KCNH1: variants seen among roughly 807,000 people sequenced by gnomAD.
The protein encoded by KCNH1 is voltage-gated delayed rectifier potassium channel KCNH1.
Under a neutral mutation model 69.2 loss-of-function variants are expected in KCNH1, and 27 were observed. The observed-to-expected ratio is 0.39, with a 90% CI of 0.29 to 0.54. KCNH1 has a LOEUF of 0.54. Among genes scored for constraint, KCNH1 ranks in the 20% least tolerant of loss-of-function variants. KCNH1 has a pLI of 0.68. For synonymous variants in KCNH1, 456 were observed against 487.7 expected, an observed-to-expected ratio of 0.93 and a Z score of 0.86; for missense variants, 798 against 1,261.6, an observed-to-expected ratio of 0.63 and a Z score of 5.57.
intron 7 of KCNH1, among the ~76,000 whole-genome samples, chr1:210,804,468 G>T (rs1684493354): frequency 6.6e-6 from 1 of 152,238 alleles, no homozygotes. Flanking sequence ...CTAGGCAGTG[G>T]GTTGCGGGGG....
chr1:210,800,045 C>A (rs981676267), intron 8 of KCNH1, among the ~76,000 whole-genome samples: 3 of 152,206 alleles, frequency 2.0e-5, no homozygotes, highest in Non-Finnish European at 4.4e-5. Context: ...CAGTACACAG[C>A]CTGGGACAAA....
At chr1:211,083,666 C>T (rs1035693279) in intron 4 of KCNH1, among the ~76,000 whole-genome samples, 12 of 152,184 alleles carry the variant, frequency 7.9e-5, no homozygotes, top group Admixed American at 6.5e-4. Flanking sequence ...CAAGACCAGG[C>T]TTGGGTTTTA....
chr1:210,894,010 C>A (rs60147734), intron 7 of KCNH1, among the ~76,000 whole-genome samples: 1 of 152,250 alleles, frequency 6.6e-6, no homozygotes, highest in African/African-American at 2.4e-5. Context: ...GTTATAATAA[C>A]TAATGTCTTT....
intron 6 of KCNH1, among the ~76,000 whole-genome samples, chr1:210,955,998 T>C (rs11119638): frequency 0.77 from 116,523 of 151,980 alleles, 45,284 homozygotes; most frequent in East Asian, 0.89. Context: ...AAAGGGAATG[T>C]TTCCAGTTTT....
At chr1:210,926,913 A>C (rs1687585937) in intron 6 of KCNH1, among the ~76,000 whole-genome samples, 1 of 152,188 alleles carries the variant, frequency 6.6e-6, no homozygotes, top group South Asian at 2.1e-4. Context: ...ACTTAGAGAA[A>C]TGCAAAATGC....
At chr1:210,899,250 A>C (rs1439974800) in intron 7 of KCNH1, among the ~76,000 whole-genome samples, 1 of 152,172 alleles carries the variant, frequency 6.6e-6, no homozygotes, top group African/African-American at 2.4e-5. Flanking sequence ...ATAGTATGTA[A>C]TATTGCAATG....
chr1:210,975,288 T>A lies in KCNH1; in HGVS notation c.1032+43495A>T, dbSNP rs189973195. ...CTTTTCAAAAAACCAGCTCCTGGAT[T>A]CAGATAATCCTAAGCCAAAAGAACA... On this transcript the variant is annotated intron_variant, in intron 6 of 10. Coordinates refer to ENST00000271751, the MANE Select transcript of KCNH1 (RefSeq NM_172362.3). 1.4e-4 allele frequency among the ~76,000 whole-genome samples: 22 copies of A among 152,176 alleles called. 1 individual carries two copies. Among genetic ancestry groups the A allele is most frequent in the Non-Finnish European group, 2.8e-4 (19 of 67,956 alleles).
intron 5 of KCNH1, among the ~76,000 whole-genome samples, chr1:211,081,632 T>C (rs1237281088): frequency 2.0e-5 from 3 of 152,176 alleles, no homozygotes; most frequent in Non-Finnish European, 4.4e-5. Flanking sequence ...TGGAATACTA[T>C]GCAGCCATTA....
intron 7 of KCNH1, among the ~76,000 whole-genome samples, chr1:210,882,219 T>A (rs543822404): frequency 9.2e-5 from 14 of 152,218 alleles, no homozygotes; most frequent in African/African-American, 3.4e-4. Context: ...ATTATAAAAT[T>A]TTTAAAAAAT....
chr1:210,844,290 AG>A (rs1685489285), intron 7 of KCNH1, among the ~76,000 whole-genome samples: 1 of 152,158 alleles, frequency 6.6e-6, no homozygotes, highest in Non-Finnish European at 1.5e-5. Flanking sequence ...TGGGAGACCA[AG>A]GCAGGTGGGT....
At chr1:210,834,192 C>T (rs1368674696) in intron 7 of KCNH1, among the ~76,000 whole-genome samples, 1 of 151,592 alleles carries the variant, frequency 6.6e-6, no homozygotes, top group Non-Finnish European at 1.5e-5. Flanking sequence ...TGGGTATATA[C>T]CCAAAGGACT....
intron 7 of KCNH1, among the ~76,000 whole-genome samples, chr1:210,895,192 C>A (rs552603798): frequency 1.5e-3 from 221 of 148,004 alleles, no homozygotes; most frequent in African/African-American, 5.3e-3. Flanking sequence ...GAGGGTAAAT[C>A]TGGTCTTTGT....
intron 5 of KCNH1, among the ~76,000 whole-genome samples, chr1:211,049,031 T>G (rs1398134457): frequency 6.6e-6 from 1 of 151,856 alleles, no homozygotes. Context: ...AGTTCATTTA[T>G]TTGAAGAAAA....
chr1:210,826,013 A>G (rs941683186), intron 7 of KCNH1, among the ~76,000 whole-genome samples: 2 of 152,216 alleles, frequency 1.3e-5, no homozygotes, highest in African/African-American at 4.8e-5. Context: ...AAATCTGTTT[A>G]CTGAAATATA....
intron 10 of KCNH1, among the ~76,000 whole-genome samples, chr1:210,690,237 G>C (rs78594545): frequency 6.6e-6 from 1 of 150,706 alleles, no homozygotes; most frequent in Admixed American, 6.6e-5. Flanking sequence ...ACACAAAGCC[G>C]TCTAGAGTTG....
intron 10 of KCNH1, among the ~76,000 whole-genome samples, chr1:210,743,308 G>A (rs1192528405): frequency 6.6e-6 from 1 of 152,152 alleles, no homozygotes; most frequent in African/African-American, 2.4e-5. Flanking sequence ...TAGGGTGGGG[G>A]TGGTACAATG....
chr1:211,065,303 T>C (rs184318607), intron 5 of KCNH1, among the ~76,000 whole-genome samples: 2 of 152,182 alleles, frequency 1.3e-5, no homozygotes, highest in East Asian at 3.9e-4. Flanking sequence ...TATTCAGCCA[T>C]AAAAAAGAAT....
intron 7 of KCNH1, among the ~76,000 whole-genome samples, chr1:210,817,148 A>G (rs986759122): frequency 2.3e-4 from 35 of 152,068 alleles, no homozygotes; most frequent in African/African-American, 8.4e-4. Flanking sequence ...ATTGCCTCCA[A>G]AATAATAATT....
rs866814818 is a variant in KCNH1, at chr1:211,004,375, T to C, written c.1032+14408A>G. ...CAACAATGAATATACATATAGTATA[T>C]ATATGCTTGAAAATAATAACATATA... On this transcript the variant is annotated intron_variant, in intron 6 of 10. Coordinates refer to ENST00000271751, the MANE Select transcript of KCNH1 (RefSeq NM_172362.3). Among the ~76,000 whole-genome samples the C allele has an allele frequency of 2.0e-5, 3 of 152,254 alleles. No individual in the cohort carries two copies. The East Asian group carries it at 5.8e-4, about 29-fold the overall frequency.
Sources: gnomAD v4.1 joint callset for allele counts (sites outside exome capture counted in the v4.1 genomes callset) on GRCh38, gnomAD v4.1.1 for gene constraint, MANE v1.5 for transcripts, NCBI Gene and HGNC (gene_info 2026-07-23, HGNC 2026-07-21) for gene names.